IL1RAPL2: variants seen among roughly 807,000 people sequenced by gnomAD.
IL1RAPL2 encodes interleukin 1 receptor accessory protein like 2.
Under a neutral mutation model 44.1 loss-of-function variants are expected in IL1RAPL2, and 3 were observed. The ratio of observed to expected loss-of-function variants is 0.07; its 90% confidence interval spans 0.03 to 0.18. IL1RAPL2 has a LOEUF of 0.18. IL1RAPL2 is among the 10% of genes least tolerant of loss of function. The probability of loss-of-function intolerance (pLI) is 1.00; values close to 1 mark genes in which losing one functional copy is unlikely to be tolerated. For synonymous variants in IL1RAPL2, 181 were observed against 178.8 expected, an observed-to-expected ratio of 1.01 and a Z score of -0.10; for missense variants, 391 against 496.4, an observed-to-expected ratio of 0.79 and a Z score of 2.02.
At chrX:105,706,069 T>C (rs2038163600) in intron 6 of IL1RAPL2, among the ~76,000 whole-genome samples, 1 of 110,536 alleles carries the variant, frequency 9.0e-6, no homozygotes, top group African/African-American at 3.3e-5. Context: ...GGGAACAACT[T>C]ATTGAAGACA....
chrX:104,949,910 A>T (rs1379534065), intron 2 of IL1RAPL2, among the ~76,000 whole-genome samples: 1 of 110,865 alleles, frequency 9.0e-6, no homozygotes, highest in African/African-American at 3.3e-5. Context: ...TTTGGGGTGG[A>T]GAGTTCTGTA....
At chrX:105,210,945 A>G (rs1221156820) in intron 3 of IL1RAPL2, among the ~76,000 whole-genome samples, 6 of 110,791 alleles carry the variant, frequency 5.4e-5, no homozygotes, top group Non-Finnish European at 1.1e-4. Context: ...CCCGATCAAC[A>G]CAGCTTACAG....
At chrX:104,870,654 T>C (rs1252393875) in intron 2 of IL1RAPL2, among the ~76,000 whole-genome samples, 1 of 111,748 alleles carries the variant, frequency 8.9e-6, no homozygotes, top group Non-Finnish European at 1.9e-5. Flanking sequence ...CCTGCATTCT[T>C]TGTAACTTTC....
intron 2 of IL1RAPL2, among the ~76,000 whole-genome samples, chrX:104,793,756 A>T (rs1035827236): frequency 9.0e-6 from 1 of 111,726 alleles, no homozygotes; most frequent in African/African-American, 3.3e-5. Context: ...CCTATTAATT[A>T]TCCTCCTGCA....
intron 5 of IL1RAPL2, among the ~76,000 whole-genome samples, chrX:105,430,629 G>A (rs2035841235): frequency 9.0e-6 from 1 of 111,058 alleles, no homozygotes; most frequent in African/African-American, 3.3e-5. Flanking sequence ...GAGATCATTC[G>A]AGAAACACTT....
At chrX:105,520,639 A>G (rs1485487945) in intron 6 of IL1RAPL2, among the ~76,000 whole-genome samples, 2 of 111,510 alleles carry the variant, frequency 1.8e-5, no homozygotes, top group South Asian at 3.7e-4. Context: ...CTTCATTTAT[A>G]TATAGATAGT....
intron 2 of IL1RAPL2, among the ~76,000 whole-genome samples, chrX:104,774,876 C>T (rs1423507985): frequency 1.8e-5 from 2 of 112,086 alleles, no homozygotes; most frequent in African/African-American, 6.5e-5. Context: ...TAGTAATCAG[C>T]TTTCTCTTCT....
Position 105,505,738 on chromosome X carries a change from T to A in IL1RAPL2, c.772+21351T>A, listed in dbSNP as rs1220359831. Among the ~76,000 whole-genome samples the A allele has an allele frequency of 9.9e-5, 11 of 111,672 alleles. No individual in the cohort carries two copies. The Admixed American group carries it at 1.0e-3, about 11-fold the overall frequency. ...GGTTCTAATTAAAGAAGTTTCATGATGTAATTTATGTACATTTATACTTTC... is the reference window on the plus strand; with the variant it reads ...GGTTCTAATTAAAGAAGTTTCATGAAGTAATTTATGTACATTTATACTTTC... On this transcript the variant is annotated intron_variant, in intron 6 of 10. Transcript: ENST00000372582.
chrX:104,623,520 G>C (rs1455067241), intron 1 of IL1RAPL2, among the ~76,000 whole-genome samples: 1 of 111,033 alleles, frequency 9.0e-6, no homozygotes, highest in Non-Finnish European at 1.9e-5. Context: ...CACACCACAG[G>C]AATAGGCAAA....
chrX:104,903,036 G>C (rs974684772), intron 2 of IL1RAPL2, among the ~76,000 whole-genome samples: 2 of 111,395 alleles, frequency 1.8e-5, no homozygotes, highest in Non-Finnish European at 3.8e-5. Context: ...ATACTGTTCA[G>C]CAAGCTTATT....
chrX:105,368,316 GCCTGAGGC>G (rs2035311364), intron 5 of IL1RAPL2, among the ~76,000 whole-genome samples: 1 of 111,430 alleles, frequency 9.0e-6, no homozygotes, highest in South Asian at 3.7e-4. Context: ...AGTGGAAGCA[GCCTGAGGC>G]CCTTACCAAA....
intron 5 of IL1RAPL2, among the ~76,000 whole-genome samples, chrX:105,446,866 G>T (rs961195865): frequency 3.8e-5 from 4 of 105,259 alleles, no homozygotes; most frequent in Non-Finnish European, 7.8e-5. Flanking sequence ...GTTTTTCTGT[G>T]CATTTACTAT....
At chrX:105,288,043 C>T (rs960651301) in intron 5 of IL1RAPL2, among the ~76,000 whole-genome samples, 2 of 111,248 alleles carry the variant, frequency 1.8e-5, no homozygotes, top group African/African-American at 6.5e-5. Flanking sequence ...GGAGAATCAC[C>T]TAGCAAATGG....
chrX:104,602,773 G>A (rs1421958900), intron 1 of IL1RAPL2, among the ~76,000 whole-genome samples: 1 of 111,287 alleles, frequency 9.0e-6, no homozygotes, highest in African/African-American at 3.3e-5. Flanking sequence ...TGGCCAGACT[G>A]CCAGATTTCT....
intron 5 of IL1RAPL2, among the ~76,000 whole-genome samples, chrX:105,296,140 C>A (rs1448473320): frequency 1.8e-5 from 2 of 111,120 alleles, no homozygotes; most frequent in Non-Finnish European, 3.8e-5. Context: ...ATGAAAATTC[C>A]TTTTAATTCT....
rs369125967 is a variant in IL1RAPL2 at position 105,381,855 on chromosome X, A to T, written c.698-102458A>T. On this transcript the variant is annotated intron_variant, in intron 5 of 10. Transcript: ENST00000372582. ...CTGATCTTTGACAAACCTGACAAAA[A>T]CAAGAAATGGGGAAAGGATTCCCTA... Among the ~76,000 whole-genome samples, 28 of 112,169 alleles carry T rather than the reference A, an allele frequency of 2.5e-4. 1 individual carries two copies. In the East Asian group the frequency reaches 7.3e-3, roughly 29 times the overall value.
rs779362481 is a variant in IL1RAPL2 at position 104,771,378 on chromosome X, C to T, written c.82+112383C>T. ...TATATGTGATAATTGATTTACTCTT[C>T]GTCAGCCTTTGAGGCTGATAACTCA... On this transcript the variant is annotated intron_variant, in intron 2 of 10. Coordinates refer to ENST00000372582, the MANE Select transcript of IL1RAPL2 (RefSeq NM_017416.2). 4.4e-5 allele frequency among the ~76,000 whole-genome samples: 5 copies of T among 112,371 alleles called. No homozygotes were observed. In the South Asian group the frequency reaches 1.5e-3, roughly 33 times the overall value.
chrX:105,388,214 C>A (rs6616583), intron 5 of IL1RAPL2, among the ~76,000 whole-genome samples: 1 of 82,003 alleles, frequency 1.2e-5, no homozygotes, highest in Non-Finnish European at 2.3e-5. Context: ...ATAAACCGTT[C>A]TATGAAAGTG....
intron 5 of IL1RAPL2, among the ~76,000 whole-genome samples, chrX:105,286,229 C>T (rs1370170139): frequency 9.0e-6 from 1 of 110,689 alleles, no homozygotes; most frequent in Non-Finnish European, 1.9e-5. Context: ...GTTTCAAATT[C>T]TTTTCTTACC....
Sources: gnomAD v4.1 joint callset for allele counts (sites outside exome capture counted in the v4.1 genomes callset) on GRCh38, gnomAD v4.1.1 for gene constraint, MANE v1.5 for transcripts, NCBI Gene and HGNC (gene_info 2026-07-23, HGNC 2026-07-21) for gene names.